The following NOVA2 variants were observed in gnomAD, a reference collection of about 807,000 sequenced individuals.
NOVA2 encodes NOVA alternative splicing regulator 2.
Under a neutral mutation model 22.5 loss-of-function variants are expected in NOVA2, and 9 were observed. That is an observed-to-expected ratio of 0.40 (90% CI 0.24 to 0.70). The LOEUF (loss-of-function observed/expected upper bound fraction) is 0.70, where lower values mean the gene tolerates loss of function less well. Ranked by LOEUF, NOVA2 falls within the 30% of genes least tolerant of loss-of-function variation. NOVA2 has a pLI of 0.38. For missense variants in NOVA2, 383 were observed against 682.8 expected, an observed-to-expected ratio of 0.56 and a Z score of 4.89; for synonymous variants, 318 against 335.2, an observed-to-expected ratio of 0.95 and a Z score of 0.56.
At chr19:45,945,532 T>C (rs1383624010) in intron 3 of NOVA2, among the ~76,000 whole-genome samples, 1 of 152,040 alleles carries the variant, frequency 6.6e-6, no homozygotes, top group Non-Finnish European at 1.5e-5. Context: ...CTTGTACTTC[T>C]GGGCTCAAGT....
chr19:45,947,560 G>A (rs749340537), intron 3 of NOVA2, among the ~76,000 whole-genome samples: 7 of 150,714 alleles, frequency 4.6e-5, no homozygotes, highest in Non-Finnish European at 7.4e-5. Context: ...TGCAACCTCC[G>A]TCTTCCAGTT....
At chr19:45,941,788 A>G (rs1487138197) in intron 3 of NOVA2, among the ~76,000 whole-genome samples, 1 of 152,170 alleles carries the variant, frequency 6.6e-6, no homozygotes, top group African/African-American at 2.4e-5. Flanking sequence ...TGGTTAATGA[A>G]TAGCCAGTAT....
chr19:45,968,044 T>G (rs181872076), intron 1 of NOVA2: 1 of 152,202 alleles, frequency 6.6e-6, no homozygotes, highest in East Asian at 1.9e-4. Flanking sequence ...AGTGGCCTAT[T>G]TTAGTGTCAG....
At chr19:45,963,086 C>T (rs1968119420) in intron 1 of NOVA2, among the ~76,000 whole-genome samples, 1 of 152,012 alleles carries the variant, frequency 6.6e-6, no homozygotes, top group South Asian at 2.1e-4. Context: ...ATAAGAAGAC[C>T]CTTTGCGGCC....
At chr19:45,953,018 C>T (rs960121651) in intron 3 of NOVA2, among the ~76,000 whole-genome samples, 1 of 152,262 alleles carries the variant, frequency 6.6e-6, no homozygotes, top group Non-Finnish European at 1.5e-5. Flanking sequence ...GCACGGAGTA[C>T]GCATGCATAG....
At chr19:45,958,560 TGGGTGTGA>T (rs143273528) in intron 2 of NOVA2, among the ~76,000 whole-genome samples, 3,444 of 151,002 alleles carry the variant, frequency 0.023, 42 homozygotes, top group Middle Eastern at 0.034. Context: ...AGCGTGTGTG[TGGGTGTGA>T]GGGTGTGAGT....
chr19:45,940,591 C>A lies in NOVA2; in HGVS notation c.751G>T (p.Gly251Cys). The change falls in exon 4 of 4, where the codon GGC becomes TGC. Residue 251 changes from glycine to cysteine, a missense_variant. Transcript: ENST00000263257. ...AAAASAAAAS[G>C]LLGPAGLAGV... ...GCCAGCCCGGCGGGGCCCAGCAGGC[C>A]GGAGGCGGCGGCGGCCGACGCTGCG... 7.0e-7 allele frequency: 1 copy of A among 1,422,142 alleles called. No homozygotes were observed. The highest frequency in any genetic ancestry group is 9.1e-7 in the Non-Finnish European group (1 of 1,098,926). The allele number at this position is 1,422,142 out of a possible 1,614,324, so 88.1% of individuals were successfully genotyped here.
rs1967684207 is a variant in NOVA2 at position 45,938,145 on chromosome 19, G to C, written c.*1718C>G. 6.6e-6 allele frequency: 1 copy of C among 152,182 alleles called. No individual in the cohort carries two copies. Among genetic ancestry groups the C allele is most frequent in the Admixed American group, 6.5e-5 (1 of 15,274 alleles). The allele number at this position is 152,182 out of a possible 1,614,324, so 9.4% of individuals were successfully genotyped here. A position where few individuals can be genotyped will look rare whatever the true frequency, so the allele number is the denominator to read the frequency against. On this transcript the variant is annotated 3_prime_UTR_variant, in exon 4 of 4. Coordinates refer to ENST00000263257, the MANE Select transcript of NOVA2 (RefSeq NM_002516.4). ...CCAAGGAAGAGAGGGAGATGGGTGG[G>C]GGTAGAGGGAGGTCTCAGCTATCCT...
intron 3 of NOVA2, among the ~76,000 whole-genome samples, chr19:45,942,499 T>C (rs982576744): frequency 1.3e-5 from 2 of 152,106 alleles, no homozygotes; most frequent in Non-Finnish European, 2.9e-5. Flanking sequence ...TCTGGCACTT[T>C]GTTATGGCAG....
At position 45,941,089 on chromosome 19, in the gene NOVA2, A is replaced by G. The variant is rs534660824; in HGVS notation, c.397-144T>C. ...CAGATTACTTGAGGTCAGGAGTTCC[A>G]GACTAGCCTGGCCAACATGGTGAAA... is the stretch of plus-strand genomic sequence containing the variant. On this transcript the variant is annotated intron_variant, in intron 3 of 3. Coordinates refer to ENST00000263257, the MANE Select transcript of NOVA2 (RefSeq NM_002516.4). 6.9e-4 allele frequency: 534 copies of G among 772,208 alleles called. 2 individuals are homozygous for G. The highest frequency in any genetic ancestry group is 2.4e-3 in the South Asian group (120 of 49,506). 47.8% of individuals were successfully genotyped at this position (772,208 alleles called of 1,614,324 possible).
At chr19:45,942,091 C>T (rs1232531564) in intron 3 of NOVA2, among the ~76,000 whole-genome samples, 1 of 152,186 alleles carries the variant, frequency 6.6e-6, no homozygotes, top group Non-Finnish European at 1.5e-5. Context: ...GAAATCTAGG[C>T]TCTTGGGTTC....
intron 1 of NOVA2, chr19:45,967,707 C>A (rs969983405): frequency 6.6e-6 from 1 of 152,088 alleles, no homozygotes; most frequent in African/African-American, 2.4e-5. Context: ...TTTGGGAGGC[C>A]GAGGTGGGCA....
At chr19:45,944,067 C>T (rs984308406) in intron 3 of NOVA2, among the ~76,000 whole-genome samples, 1 of 152,198 alleles carries the variant, frequency 6.6e-6, no homozygotes. Context: ...GTAGTTGTCT[C>T]ACTTAGCTAT....
Position 45,973,400 on chromosome 19 carries a change from C to G in NOVA2, c.-49G>C, listed in dbSNP as rs1229326176. 2.2e-6 allele frequency: 1 copy of G among 456,922 alleles called. No individual in the cohort carries two copies. The allele number at this position is 456,922 out of a possible 1,614,324, so 28.3% of individuals were successfully genotyped here. A position where few individuals can be genotyped will look rare whatever the true frequency, so the allele number is the denominator to read the frequency against. Reference sequence around the variant, plus strand: ...GCTGCTGCTGCGGCGGCTGCGGCGGCGGCGGCGGCGGCTGCTGTGGCGGCG... The same window carrying G: ...GCTGCTGCTGCGGCGGCTGCGGCGGGGGCGGCGGCGGCTGCTGTGGCGGCG... On this transcript the variant is annotated 5_prime_UTR_variant, in exon 1 of 4. Transcript: ENST00000263257.
intron 3 of NOVA2, among the ~76,000 whole-genome samples, chr19:45,944,344 A>T (rs573509303): frequency 6.6e-6 from 1 of 152,094 alleles, no homozygotes; most frequent in African/African-American, 2.4e-5. Flanking sequence ...TGGGAGGCTG[A>T]GGTGGGAGGA....
chr19:45,961,412 GT>G (rs2146422963), intron 1 of NOVA2, among the ~76,000 whole-genome samples: 1 of 152,270 alleles, frequency 6.6e-6, no homozygotes, highest in East Asian at 1.9e-4. Context: ...GGCCGAAAGA[GT>G]TTTAGTGATT....
At chr19:45,946,957 C>G (rs1359432332) in intron 3 of NOVA2, among the ~76,000 whole-genome samples, 1 of 151,468 alleles carries the variant, frequency 6.6e-6, no homozygotes, top group Non-Finnish European at 1.5e-5. Flanking sequence ...TTCATGCATG[C>G]ACAAATGTTA....
intron 1 of NOVA2, 86 bp downstream of exon 1, chr19:45,973,181 G>T: frequency 1.6e-6 from 1 of 622,590 alleles, no homozygotes; most frequent in Non-Finnish European, 2.5e-6. Context: ...CAGAGCCCTT[G>T]CACCTGCCAC....
At chr19:45,959,814 C>CAGAGAGGGAGAGAG (rs1968067752) in intron 2 of NOVA2, among the ~76,000 whole-genome samples, 1 of 107,914 alleles carries the variant, frequency 9.3e-6, no homozygotes, top group East Asian at 2.5e-4. Context: ...GAGAGAGAGA[C>CAGAGAGGGAGAGAG]AGAGAGGGAG....
Sources: gnomAD v4.1 joint callset for allele counts (sites outside exome capture counted in the v4.1 genomes callset) on GRCh38, gnomAD v4.1.1 for gene constraint, MANE v1.5 for transcripts, NCBI Gene and HGNC (gene_info 2026-07-23, HGNC 2026-07-21) for gene names.